Variants in DRGX observed in about 807,000 individuals in gnomAD.
The protein encoded by DRGX is dorsal root ganglia homeobox.
Under a neutral mutation model 28.6 loss-of-function variants are expected in DRGX, and 21 were observed. That is an observed-to-expected ratio of 0.73 (90% CI 0.52 to 1.06). The LOEUF (loss-of-function observed/expected upper bound fraction) is 1.06. DRGX is among the 50% of genes least tolerant of loss of function. The pLI is 0.00. For synonymous variants in DRGX, 136 were observed against 139.1 expected (o/e 0.98, Z 0.16); for missense variants, 354 against 343.9 (o/e 1.03, Z -0.23).
At chr10:49,388,391 G>C (rs1409762997) in intron 4 of DRGX, among the ~76,000 whole-genome samples, 1 of 152,220 alleles carries the variant, frequency 6.6e-6, no homozygotes, top group African/African-American at 2.4e-5. Flanking sequence ...GAGAGCCTGG[G>C]TCCTTGAGGC....
At chr10:49,395,288 G>A in intron 2 of DRGX, 119 bp downstream of exon 2, 2 of 1,285,248 alleles carry the variant, frequency 1.6e-6, no homozygotes, top group Non-Finnish European at 2.2e-6. Flanking sequence ...CTACTCACCG[G>A]CAGGCGGCTG....
chr10:49,386,563 C>G lies in DRGX; in HGVS notation c.441G>C (p.Gly147=), dbSNP rs758587817. 2 of 1,590,592 alleles carry G rather than the reference C, an allele frequency of 1.3e-6. No homozygotes were observed. The highest frequency in any genetic ancestry group is 1.3e-5 in the African/African-American group (1 of 74,482). The change falls in exon 6 of 7, where the codon GGG becomes GGC. Residue 147 remains glycine (G), a synonymous_variant. Coordinates refer to ENST00000374139, the MANE Select transcript of DRGX (RefSeq NM_001276451.2). ...QSLGRTVGPA[G]PFFPSCLPGT... Reference sequence around the variant, plus strand: ...CCGGCAAGCAGGAGGGGAAGAAAGGCCCTGCAGGACCTACCGTTCGCCCCA... The same window carrying G: ...CCGGCAAGCAGGAGGGGAAGAAAGGGCCTGCAGGACCTACCGTTCGCCCCA...
At position 49,364,631 on chromosome 10, in the gene DRGX, T is replaced by C. The variant is rs1246908920; in HGVS notation, c.*1485A>G. On this transcript the variant is annotated 3_prime_UTR_variant, in exon 7 of 7. Transcript: ENST00000374139. ...TTTTTGGCAAATCGTTTCATCTTTA[T>C]ACTCAACAAGCAAAATACAGCAGGA... 1 of 152,172 alleles carries C rather than the reference T, an allele frequency of 6.6e-6. No individual in the cohort carries two copies. Among genetic ancestry groups the C allele is most frequent in the Non-Finnish European group, 1.5e-5 (1 of 68,028 alleles). 9.4% of individuals were successfully genotyped at this position (152,172 alleles called of 1,614,324 possible). A position where few individuals can be genotyped will look rare whatever the true frequency, so the allele number is the denominator to read the frequency against.
chr10:49,382,549 T>C (rs1204976586), intron 6 of DRGX, among the ~76,000 whole-genome samples: 1 of 152,206 alleles, frequency 6.6e-6, no homozygotes, highest in Non-Finnish European at 1.5e-5. Flanking sequence ...ATTGAGGTCA[T>C]TCCTTGCCCA....
At chr10:49,388,024 T>C (rs17010002) in intron 4 of DRGX, among the ~76,000 whole-genome samples, 3,697 of 152,284 alleles carry the variant, frequency 0.024, 118 homozygotes, top group African/African-American at 0.07. Flanking sequence ...TGCATAGCCA[T>C]CCATCACTCA....
chr10:49,376,969 C>T (rs1849723855), intron 6 of DRGX, among the ~76,000 whole-genome samples: 2 of 152,200 alleles, frequency 1.3e-5, no homozygotes, highest in South Asian at 4.1e-4. Context: ...CCCCCTAGCC[C>T]TCCAGATCCT....
chr10:49,394,959 T>C (rs1024497865), intron 2 of DRGX, among the ~76,000 whole-genome samples: 1 of 152,192 alleles, frequency 6.6e-6, no homozygotes, highest in Non-Finnish European at 1.5e-5. Flanking sequence ...GCGGCCCCAG[T>C]GAGAGCAGCC....
At chr10:49,387,008 G>T in intron 4 of DRGX, 150 bp from the exon 5 acceptor site, 1 of 891,258 alleles carries the variant, frequency 1.1e-6, no homozygotes, top group Non-Finnish European at 1.6e-6. Flanking sequence ...CCACAGAGGG[G>T]TCAGAAGATC....
chr10:49,383,340 T>G (rs1849798404), intron 6 of DRGX, among the ~76,000 whole-genome samples: 1 of 152,178 alleles, frequency 6.6e-6, no homozygotes, highest in Admixed American at 6.5e-5. Context: ...GTTGGAGATT[T>G]AAAAGCCACT....
At chr10:49,384,124 C>G (rs1026379733) in intron 6 of DRGX, among the ~76,000 whole-genome samples, 1 of 152,218 alleles carries the variant, frequency 6.6e-6, no homozygotes, top group Non-Finnish European at 1.5e-5. Context: ...TTAGCTGCTT[C>G]TGGTGGTAGC....
chr10:49,371,481 C>T (rs1004767333), intron 6 of DRGX, among the ~76,000 whole-genome samples: 1 of 152,020 alleles, frequency 6.6e-6, no homozygotes, highest in African/African-American at 2.4e-5. Flanking sequence ...TGGCAAAACC[C>T]TGTCTCTACA....
chr10:49,370,660 T>C (rs1263329423), intron 6 of DRGX, among the ~76,000 whole-genome samples: 2 of 152,140 alleles, frequency 1.3e-5, no homozygotes, highest in African/African-American at 4.8e-5. Flanking sequence ...ACTGGGAAGA[T>C]ATGTGGATCC....
At chr10:49,395,162 C>G (rs772916809) in intron 2 of DRGX, among the ~76,000 whole-genome samples, 1 of 152,224 alleles carries the variant, frequency 6.6e-6, no homozygotes, top group African/African-American at 2.4e-5. Context: ...CCCCGCGGCA[C>G]GCCTAGCCCG....
intron 6 of DRGX, among the ~76,000 whole-genome samples, chr10:49,373,976 T>A (rs1481875914): frequency 2.6e-5 from 4 of 152,206 alleles, no homozygotes; most frequent in Admixed American, 6.5e-5. Flanking sequence ...ATTAAACATA[T>A]GTTTATTAGG....
At chr10:49,394,839 G>A (rs1849947808) in intron 2 of DRGX, among the ~76,000 whole-genome samples, 5 of 152,250 alleles carry the variant, frequency 3.3e-5, no homozygotes, top group Admixed American at 3.3e-4. Context: ...AGGTCAGTCC[G>A]GGCAGGTGGT....
intron 2 of DRGX, among the ~76,000 whole-genome samples, chr10:49,392,538 A>G (rs141461625): frequency 3.1e-4 from 47 of 152,350 alleles, no homozygotes; most frequent in Admixed American, 1.8e-3. Context: ...AAGAAAACAA[A>G]TTGTCTTTTT....
intron 6 of DRGX, among the ~76,000 whole-genome samples, chr10:49,374,480 A>G (rs1041374369): frequency 3.3e-5 from 5 of 152,210 alleles, no homozygotes; most frequent in Non-Finnish European, 5.9e-5. Context: ...GGCTTGTGCC[A>G]TCACAAAAGT....
At chr10:49,366,797 C>A (rs1849606596) in intron 6 of DRGX, among the ~76,000 whole-genome samples, 1 of 152,204 alleles carries the variant, frequency 6.6e-6, no homozygotes, top group Admixed American at 6.5e-5. Flanking sequence ...GCGGGGATAC[C>A]TTAAATGGAA....
At chr10:49,378,991 G>A (rs61848636) in intron 6 of DRGX, among the ~76,000 whole-genome samples, 10,405 of 152,262 alleles carry the variant, frequency 0.068, 434 homozygotes, top group Middle Eastern at 0.14. Flanking sequence ...TTGAAATGCT[G>A]TAAATCTAGA....
Sources: allele counts gnomAD v4.1 joint callset (sites outside exome capture counted in the v4.1 genomes callset), GRCh38; gene constraint gnomAD v4.1.1; transcripts MANE v1.5; gene names NCBI Gene and HGNC (gene_info 2026-07-23, HGNC 2026-07-21).